Variants in WASF3 observed in about 807,000 individuals in gnomAD.
WASF3 encodes actin-binding protein WASF3.
WASF3 carries 11 observed loss-of-function variants against 46.6 expected under a neutral mutation model. The ratio of observed to expected loss-of-function variants is 0.24; its 90% CI spans 0.15 to 0.39. The LOEUF is 0.39. WASF3 is among the 10% of genes least tolerant of loss of function. The probability of loss-of-function intolerance (pLI) is 1.00; values close to 1 mark genes in which losing one functional copy is unlikely to be tolerated. For synonymous variants in WASF3, 242 were observed against 259.7 expected, an observed-to-expected ratio of 0.93 and a Z score of 0.65; for missense variants, 576 against 669.8, an observed-to-expected ratio of 0.86 and a Z score of 1.55.
At chr13:26,685,084 T>C (rs1345027760) in intron 9 of WASF3, among the ~76,000 whole-genome samples, 1 of 76,524 alleles carries the variant, frequency 1.3e-5, no homozygotes, top group Non-Finnish European at 2.3e-5. Context: ...TGAGACCCAA[T>C]CTCAAAAAAA....
chr13:26,594,729 G>A (rs71431796), intron 1 of WASF3, among the ~76,000 whole-genome samples: 4 of 152,156 alleles, frequency 2.6e-5, no homozygotes, highest in East Asian at 3.8e-4. Context: ...GGCTCTGTGT[G>A]CTCTGCCTAG....
At chr13:26,556,876 A>G (rs1195391142), upstream of WASF3, among the ~76,000 whole-genome samples, 1 of 152,262 alleles carries the variant, frequency 6.6e-6, no homozygotes, top group East Asian at 1.9e-4. Context: ...GCAAATTAAA[A>G]TAAAGGTAAC....
chr13:26,676,777 A>C, intron 7 of WASF3, 53 bp downstream of exon 7: 1 of 1,520,456 alleles, frequency 6.6e-7, no homozygotes, highest in Non-Finnish European at 8.8e-7. Context: ...ACTGGGTACT[A>C]CCTGGTTTTA....
chr13:26,599,175 T>A (rs1365340559), intron 1 of WASF3, among the ~76,000 whole-genome samples: 7 of 118,034 alleles, frequency 5.9e-5, no homozygotes, highest in African/African-American at 1.8e-4. Context: ...CCTGCTCTTC[T>A]TTTCATTTCT....
Position 26,687,841 on chromosome 13 carries a change from C to G in WASF3, c.*1996C>G, listed in dbSNP as rs976896710. The G allele has an allele frequency of 6.6e-6, 1 of 151,840 alleles. No individual in the cohort carries two copies. Among genetic ancestry groups the G allele is most frequent in the South Asian group, 2.1e-4 (1 of 4,818 alleles). 9.4% of individuals were successfully genotyped at this position (151,840 alleles called of 1,614,324 possible). On this transcript the variant is annotated 3_prime_UTR_variant, in exon 10 of 10. Coordinates refer to ENST00000335327, the MANE Select transcript of WASF3 (RefSeq NM_006646.6). ...TGTTGCTTTTGTATTAGGAGTTCCCCGTGTGGGTCTAGAACTCCCCTTTGG... is the reference window on the plus strand; with the variant it reads ...TGTTGCTTTTGTATTAGGAGTTCCCGGTGTGGGTCTAGAACTCCCCTTTGG...
intron 3 of WASF3, among the ~76,000 whole-genome samples, chr13:26,650,287 C>A (rs1250777501): frequency 6.6e-6 from 1 of 152,160 alleles, no homozygotes; most frequent in Non-Finnish European, 1.5e-5. Flanking sequence ...AGACCCCAGT[C>A]ATAGGACTGT....
In WASF3 at chr13:26,558,815, T is replaced by G. The variant is rs193083418; in HGVS notation, c.-109+996T>G. On this transcript the variant is annotated intron_variant, in intron 1 of 9. Transcript: ENST00000335327. ...ACTTTTCGCAGTTCTTCAAATTAAA[T>G]GCATAGCAGAACATGGTATTTTAAG... Among the ~76,000 whole-genome samples the G allele has an allele frequency of 3.9e-3, 599 of 152,334 alleles. 8 individuals are homozygous for G. Among genetic ancestry groups the G allele is most frequent in the African/African-American group, 0.014 (564 of 41,582 alleles).
chr13:26,542,256 T>C, the WASF3 span, among the ~76,000 whole-genome samples: 1 of 152,238 alleles, frequency 6.6e-6, no homozygotes, highest in African/African-American at 2.4e-5. Context: ...ACCTTTGTTA[T>C]TTGCCTTGTG....
intron 1 of WASF3, among the ~76,000 whole-genome samples, chr13:26,581,995 T>A (rs1879992061): frequency 1.3e-5 from 2 of 152,238 alleles, no homozygotes; most frequent in African/African-American, 2.4e-5. Flanking sequence ...TCGATGAGCT[T>A]CCTCTTTAGA....
chr13:26,646,522 C>G lies in WASF3; in HGVS notation c.133+4119C>G, dbSNP rs150146583. Among the ~76,000 whole-genome samples, 127 of 152,286 alleles carry G rather than the reference C, an allele frequency of 8.3e-4. 2 individuals carry two copies. Among genetic ancestry groups the G allele is most frequent in the South Asian group, 5.0e-3 (24 of 4,828 alleles). On this transcript the variant is annotated intron_variant, in intron 3 of 9. Coordinates refer to ENST00000335327, the MANE Select transcript of WASF3 (RefSeq NM_006646.6). ...CCTCCCCACTTCACTGCTCACCCCC[C>G]ACACCTGTGTCACTCCCCTCCCACC...
intron 2 of WASF3, chr13:26,622,595 A>G (rs1381078539): frequency 2.0e-5 from 3 of 152,126 alleles, no homozygotes; most frequent in Non-Finnish European, 4.4e-5. Context: ...GAGTGTACTC[A>G]TATGTTCACT....
At chr13:26,569,530 G>C (rs1566037632) in intron 1 of WASF3, among the ~76,000 whole-genome samples, 1 of 152,122 alleles carries the variant, frequency 6.6e-6, no homozygotes, top group Non-Finnish European at 1.5e-5. Context: ...TGAAAATACT[G>C]TATATAAAAA....
In WASF3 at chr13:26,686,751, T is replaced by A. The variant is rs1201401739; in HGVS notation, c.*906T>A. 1 of 77,310 alleles carries A rather than the reference T, an allele frequency of 1.3e-5. No homozygotes were observed. Among genetic ancestry groups the A allele is most frequent in the Non-Finnish European group, 2.9e-5 (1 of 34,084 alleles). 4.8% of individuals were successfully genotyped at this position (77,310 alleles called of 1,614,324 possible). On this transcript the variant is annotated 3_prime_UTR_variant, in exon 10 of 10. Coordinates refer to ENST00000335327, the MANE Select transcript of WASF3 (RefSeq NM_006646.6). ...TGGGCTGCAAAGGAGCCCTGCTCCT[T>A]TAGTTTCCTGACACCTGTGTCCTGA...
chr13:26,681,945 C>T (rs570940474), intron 8 of WASF3, among the ~76,000 whole-genome samples: 152 of 152,246 alleles, frequency 1.0e-3, no homozygotes, highest in African/African-American at 3.6e-3. Flanking sequence ...TGTTGGTGTC[C>T]ACTGCTAACA....
At chr13:26,554,698 C>T (rs1304830845), upstream of WASF3, among the ~76,000 whole-genome samples, 1 of 152,204 alleles carries the variant, frequency 6.6e-6, no homozygotes, top group Non-Finnish European at 1.5e-5. Flanking sequence ...TTTAAGTTTC[C>T]TCCATGTCTT....
intron 1 of WASF3, among the ~76,000 whole-genome samples, chr13:26,601,752 G>C (rs552776126): frequency 3.3e-5 from 5 of 152,304 alleles, no homozygotes; most frequent in Middle Eastern, 3.4e-3. Flanking sequence ...GCTGGTTCAG[G>C]GATATGTGAT....
chr13:26,669,058 A>G (rs147687083), intron 5 of WASF3, among the ~76,000 whole-genome samples: 56 of 152,276 alleles, frequency 3.7e-4, no homozygotes, highest in African/African-American at 1.2e-3. Context: ...AGATAACCCA[A>G]TGAACCACTA....
At chr13:26,550,090 T>C in the WASF3 span, among the ~76,000 whole-genome samples, 1 of 152,212 alleles carries the variant, frequency 6.6e-6, no homozygotes, top group Admixed American at 6.5e-5. Flanking sequence ...TTTGGAGCAA[T>C]AGCTATTCAA....
chr13:26,581,599 G>T (rs1050903419), intron 1 of WASF3, among the ~76,000 whole-genome samples: 23 of 151,848 alleles, frequency 1.5e-4, no homozygotes, highest in Non-Finnish European at 2.9e-5. Flanking sequence ...TTTGATTAAA[G>T]TTTTATTTTA....
Sources: allele counts gnomAD v4.1 joint callset (sites outside exome capture counted in the v4.1 genomes callset), GRCh38; gene constraint gnomAD v4.1.1; transcripts MANE v1.5; gene names NCBI Gene and HGNC (gene_info 2026-07-23, HGNC 2026-07-21).